Variants in CCSER2 observed in about 807,000 individuals in gnomAD.
The protein encoded by CCSER2 is coiled-coil serine rich protein 2, also known as serine-rich coiled-coil domain-containing protein 2.
Under a neutral mutation model 92.3 loss-of-function variants are expected in CCSER2, and 46 were observed. That is an observed-to-expected ratio of 0.50 (90% confidence interval 0.39 to 0.64). CCSER2 has a LOEUF of 0.64. CCSER2 is among the 30% of genes least tolerant of loss of function. The pLI, the probability that CCSER2 is intolerant of heterozygous loss-of-function variation, is 0.00. For missense variants in CCSER2, 1,244 were observed against 1,238.9 expected, an observed-to-expected ratio of 1.00 and a Z score of -0.06; for synonymous variants, 433 against 431.4, an observed-to-expected ratio of 1.00 and a Z score of -0.04.
chr10:84,422,046 CT>C (rs1486707934), intron 4 of CCSER2, among the ~76,000 whole-genome samples: 2 of 152,156 alleles, frequency 1.3e-5, no homozygotes, highest in Non-Finnish European at 2.9e-5. Context: ...AGTGAGTGAC[CT>C]TTCTAGGTTT....
At chr10:84,443,990 C>T (rs1191685271) in intron 6 of CCSER2, among the ~76,000 whole-genome samples, 4 of 151,044 alleles carry the variant, frequency 2.6e-5, no homozygotes, top group East Asian at 3.9e-4. Flanking sequence ...CAGGGCCTGT[C>T]GGGGGGTAGG....
At position 84,451,577 on chromosome 10, in the gene CCSER2, A is replaced by C. The variant is rs187623080; in HGVS notation, c.2065-12356A>C. Among the ~76,000 whole-genome samples the C allele has an allele frequency of 3.3e-5, 5 of 152,312 alleles. No individual in the cohort carries two copies. In the East Asian group the frequency reaches 9.6e-4, roughly 29 times the overall value. ...ATTTTTTAAAAACCAAAATCTAGAAAAATTAGTAGAAATTAGGAATATCTT... is the reference window on the plus strand; with the variant it reads ...ATTTTTTAAAAACCAAAATCTAGAACAATTAGTAGAAATTAGGAATATCTT... On this transcript the variant is annotated intron_variant, in intron 6 of 9. Transcript: ENST00000372088.
chr10:84,437,876 G>A (rs1452394510), intron 5 of CCSER2, among the ~76,000 whole-genome samples: 2 of 151,658 alleles, frequency 1.3e-5, no homozygotes, highest in Non-Finnish European at 2.9e-5. Context: ...CCATGCTGGG[G>A]TAATTTTTTG....
intron 1 of CCSER2, among the ~76,000 whole-genome samples, chr10:84,362,592 A>G (rs1002870543): frequency 6.6e-6 from 1 of 152,156 alleles, no homozygotes; most frequent in African/African-American, 2.4e-5. Flanking sequence ...TTAAACCACA[A>G]ATTCCTTTTG....
chr10:84,433,067 T>C (rs557872277), intron 5 of CCSER2, among the ~76,000 whole-genome samples: 2 of 152,232 alleles, frequency 1.3e-5, no homozygotes, highest in African/African-American at 4.8e-5. Context: ...TCAGTTGATA[T>C]GTCGGTTCTT....
rs1332391488 is a variant in CCSER2 at position 84,486,484 on chromosome 10, G to C, written c.2325+8820G>C. Among the ~76,000 whole-genome samples, 45 of 152,250 alleles carry C rather than the reference G, an allele frequency of 3.0e-4. 1 individual carries two copies. Among genetic ancestry groups the C allele is most frequent in the Admixed American group, 1.4e-3 (22 of 15,282 alleles). On this transcript the variant is annotated intron_variant, in intron 9 of 9. Coordinates refer to ENST00000372088, the MANE Select transcript of CCSER2 (RefSeq NM_001284240.2). ...CATTGTGGTTTTGATTTGCATTTCT[G>C]TGATGGCCAGTGATGATGAGCTTTT...
At chr10:84,463,679 C>T (rs527490476) in intron 6 of CCSER2, among the ~76,000 whole-genome samples, 3 of 152,226 alleles carry the variant, frequency 2.0e-5, no homozygotes, top group East Asian at 1.9e-4. Flanking sequence ...GTATTTCAGC[C>T]GCTTATATAG....
chr10:84,500,367 C>CT (rs1192547139), intron 9 of CCSER2, among the ~76,000 whole-genome samples: 1 of 152,178 alleles, frequency 6.6e-6, no homozygotes, highest in Non-Finnish European at 1.5e-5. Flanking sequence ...GGGGAGCAGG[C>CT]TTACTAGACC....
chr10:84,393,326 C>A (rs1303142516), intron 3 of CCSER2, among the ~76,000 whole-genome samples: 2 of 152,042 alleles, frequency 1.3e-5, no homozygotes, highest in African/African-American at 4.8e-5. Context: ...ATCAAAACTT[C>A]TAAAATTTAA....
intron 1 of CCSER2, among the ~76,000 whole-genome samples, chr10:84,336,966 A>C (rs185520360): frequency 2.6e-5 from 4 of 152,294 alleles, no homozygotes; most frequent in African/African-American, 9.6e-5. Context: ...AAACTGGACA[A>C]ATGGAGTTAA....
At chr10:84,505,841 T>C (rs1849011629) in intron 9 of CCSER2, among the ~76,000 whole-genome samples, 1 of 149,536 alleles carries the variant, frequency 6.7e-6, no homozygotes, top group African/African-American at 2.4e-5. Context: ...TAAAGCCTTT[T>C]ATTACAATCT....
chr10:84,509,917 C>T (rs1339705049), intron 9 of CCSER2, among the ~76,000 whole-genome samples: 1 of 152,132 alleles, frequency 6.6e-6, no homozygotes, highest in Non-Finnish European at 1.5e-5. Context: ...TTTCAGTCCT[C>T]TCCAGATTTT....
intron 7 of CCSER2, among the ~76,000 whole-genome samples, chr10:84,467,310 C>T (rs758760623): frequency 3.3e-5 from 5 of 152,262 alleles, no homozygotes; most frequent in East Asian, 1.9e-4. Context: ...GAACATCTTA[C>T]TCTCATAATT....
intron 3 of CCSER2, among the ~76,000 whole-genome samples, chr10:84,411,019 G>T (rs1842623495): frequency 6.6e-6 from 1 of 152,166 alleles, no homozygotes; most frequent in Admixed American, 6.5e-5. Flanking sequence ...ATTAAATAGG[G>T]TGTCCTTTCT....
chr10:84,432,260 T>C (rs1209875405), intron 5 of CCSER2, among the ~76,000 whole-genome samples: 1 of 152,176 alleles, frequency 6.6e-6, no homozygotes, highest in Non-Finnish European at 1.5e-5. Flanking sequence ...AATTTCAACT[T>C]TTACTTTAGA....
At chr10:84,505,914 T>C (rs1417248506) in intron 9 of CCSER2, among the ~76,000 whole-genome samples, 5 of 152,280 alleles carry the variant, frequency 3.3e-5, no homozygotes, top group Admixed American at 1.3e-4. Flanking sequence ...GCTTACAGTA[T>C]TCTTGTACTC....
At chr10:84,468,687 A>G (rs1846599584) in intron 7 of CCSER2, among the ~76,000 whole-genome samples, 1 of 152,148 alleles carries the variant, frequency 6.6e-6, no homozygotes, top group South Asian at 2.1e-4. Context: ...AAGTTGCTAC[A>G]TTTTATTCCC....
chr10:84,462,890 A>G (rs996855539), intron 6 of CCSER2, among the ~76,000 whole-genome samples: 7 of 152,208 alleles, frequency 4.6e-5, no homozygotes, highest in Non-Finnish European at 1.0e-4. Context: ...CAGAAAAGAT[A>G]TATCTGAGGA....
At chr10:84,488,824 C>T (rs189194083) in intron 9 of CCSER2, among the ~76,000 whole-genome samples, 74 of 151,858 alleles carry the variant, frequency 4.9e-4, no homozygotes, top group Non-Finnish European at 6.3e-4. Context: ...CTTTTAATTG[C>T]GATGTTAGGG....
Sources: gnomAD v4.1 joint callset for allele counts (sites outside exome capture counted in the v4.1 genomes callset) on GRCh38, gnomAD v4.1.1 for gene constraint, MANE v1.5 for transcripts, NCBI Gene and HGNC (gene_info 2026-07-23, HGNC 2026-07-21) for gene names.